Variants in POSTN observed in about 807,000 individuals in gnomAD.
POSTN encodes osteoblast specific factor 2 (fasciclin I-like).
In POSTN, 71 loss-of-function variants were observed where a neutral mutation model predicts 104.5. The ratio of observed to expected loss-of-function variants is 0.68; its 90% CI spans 0.56 to 0.83. POSTN has a LOEUF of 0.83. Ranked by LOEUF, POSTN falls within the 40% of genes least tolerant of loss-of-function variation. The pLI, the probability that POSTN is intolerant of heterozygous loss-of-function variation, is 0.00. For synonymous variants in POSTN, 355 were observed against 340.7 expected, an observed-to-expected ratio of 1.04 and a Z score of -0.46; for missense variants, 949 against 1,006.8, an observed-to-expected ratio of 0.94 and a Z score of 0.78.
chr13:37,580,095 G>C (rs1950534939), intron 11 of POSTN, 104 bp from the exon 12 acceptor site: 1 of 1,064,398 alleles, frequency 9.4e-7, no homozygotes, highest in Middle Eastern at 2.1e-4. Flanking sequence ...GAAAGCATGA[G>C]AGAACTGCTC....
chr13:37,597,890 T>C (rs1318708935), intron 1 of POSTN, among the ~76,000 whole-genome samples: 1 of 152,170 alleles, frequency 6.6e-6, no homozygotes, highest in Admixed American at 6.5e-5. Context: ...CCTTCCCCTC[T>C]TAAAGGGACA....
rs750422217 is a variant in POSTN, at chr13:37,590,469, C to T, written c.344G>A (p.Arg115His). The T allele has an allele frequency of 1.2e-6, 2 of 1,613,242 alleles. No individual in the cohort carries two copies. The highest frequency in any genetic ancestry group is 1.7e-6 in the Non-Finnish European group (2 of 1,179,480). Residue 115 changes from arginine (R) to histidine (H), a missense_variant, in exon 4 of 23, where the codon CGC becomes CAC. Transcript: ENST00000379747. ...LGIVGATTTQ[R>H]YSDASKLREE... is the part of the protein sequence containing the mutation. ...CCTCAGTTTTGAGGCGTCAGAATAG[C>T]GCTGCGTTGTGGTGGCTCCCACGAT...
chr13:37,574,800 T>G (rs1950359935), intron 16 of POSTN, 148 bp from the exon 17 acceptor site: 1 of 1,108,988 alleles, frequency 9.0e-7, no homozygotes, highest in South Asian at 2.0e-5. Context: ...ACAGGAAATA[T>G]TTATGGTACA....
At position 37,586,094 on chromosome 13, in the gene POSTN, C is replaced by T. The variant is rs1162010217; in HGVS notation, c.895+45G>A. The T allele has an allele frequency of 3.3e-6, 5 of 1,529,788 alleles. No individual in the cohort carries two copies. The Admixed American group carries it at 8.1e-5, about 25-fold the overall frequency. The allele number at this position is 1,529,788 out of a possible 1,614,324, so 94.8% of individuals were successfully genotyped here. A position where few individuals can be genotyped will look rare whatever the true frequency, so the allele number is the denominator to read the frequency against. On this transcript the variant is annotated intron_variant, in intron 7 of 22. Coordinates refer to ENST00000379747, the MANE Select transcript of POSTN (RefSeq NM_006475.3). The stretch of plus-strand genomic sequence containing the variant: ...GGACTAGCCTCTTTTTTATTCCCTT[C>T]TCAGAATGCTGGGAGACTCCTTAGA...
chr13:37,596,448 C>T (rs1453184658), intron 2 of POSTN, among the ~76,000 whole-genome samples: 1 of 152,060 alleles, frequency 6.6e-6, no homozygotes, highest in Non-Finnish European at 1.5e-5. Context: ...CTTTTTTCCA[C>T]CAATATTTAT....
intron 18 of POSTN, 141 bp downstream of exon 18, chr13:37,571,228 C>T (rs565999058): frequency 8.5e-6 from 5 of 591,424 alleles, no homozygotes; most frequent in African/African-American, 1.9e-5. Flanking sequence ...AATAAGAACT[C>T]ATAGCTGAGG....
rs773733418 is a variant in POSTN, at chr13:37,590,420, G to A, written c.393C>T (p.Ser131=). ...KLREEIEGKG[S]FTYFAPSNEA... The stretch of plus-strand genomic sequence containing the variant: ...CATTACTCGGTGCAAAGTAAGTGAA[G>A]GATCCCTTTCCCTCGATCTCCTCCC... Residue 131 remains serine, a synonymous_variant, in exon 4 of 23, where the codon TCC becomes TCT. Transcript: ENST00000379747. 6.2e-7 allele frequency: 1 copy of A among 1,609,366 alleles called. No individual in the cohort carries two copies. The highest frequency in any genetic ancestry group is 1.1e-5 in the South Asian group (1 of 90,192).
chr13:37,579,892 T>G lies in POSTN; in HGVS notation c.1629A>C (p.Gly543=). ...GAATTTCTTTTTCTTCACTAGTCAT[T>G]CCCTTAAAAGCATCATTGGTTGGCA... The part of the protein sequence containing the change: ...LFVPTNDAFK[G]MTSEEKEILI... The change falls in exon 12 of 23, where the codon GGA becomes GGC. Residue 543 remains glycine (G), a synonymous_variant. Coordinates refer to ENST00000379747, the MANE Select transcript of POSTN (RefSeq NM_006475.3). The G allele has an allele frequency of 6.2e-7, 1 of 1,613,154 alleles. No individual in the cohort carries two copies.
At chr13:37,569,204 C>T (rs1387504443) in intron 21 of POSTN, 96 bp downstream of exon 21, 6 of 796,682 alleles carry the variant, frequency 7.5e-6, no homozygotes, top group African/African-American at 7.2e-5. Flanking sequence ...TTTTTTTAAC[C>T]CAATTAAAAG....
Position 37,572,487 on chromosome 13 carries a change from AG to A in POSTN, c.2090-1030del, listed in dbSNP as rs1950289640. ...TTAAGGTGCGGTAACTTCAAAAGAA[AG>A]GACGCCTAAGGAATTTAAGAACCAA... On this transcript the variant is annotated intron_variant, in intron 17 of 22. Transcript: ENST00000379747. Among the ~76,000 whole-genome samples, 3 of 151,792 alleles carry A rather than the reference AG, an allele frequency of 2.0e-5. No individual in the cohort carries two copies. In the South Asian group the frequency reaches 6.2e-4, roughly 31 times the overall value.
At chr13:37,569,449 G>A (rs9603226) in intron 20 of POSTN, 66 bp from the exon 21 acceptor site, 148,006 of 1,222,192 alleles carry the variant, frequency 0.12, 10,436 homozygotes, top group East Asian at 0.34. Flanking sequence ...CAGACTTTAT[G>A]TCATAAATAA....
chr13:37,598,480 T>G, intron 1 of POSTN, 128 bp downstream of exon 1: 1 of 795,676 alleles, frequency 1.3e-6, no homozygotes, highest in Non-Finnish European at 1.9e-6. Flanking sequence ...TTTCCTTTTT[T>G]TCCTATTACT....
intron 19 of POSTN, among the ~76,000 whole-genome samples, chr13:37,570,261 C>T (rs1593314291): frequency 1.3e-5 from 2 of 151,674 alleles, no homozygotes; most frequent in Non-Finnish European, 1.5e-5. Context: ...GAGGAAATGG[C>T]TTTTCTTCTA....
At chr13:37,564,181 C>CATATATATATAT (rs71093693) in intron 22 of POSTN, among the ~76,000 whole-genome samples, 5 of 49,850 alleles carry the variant, frequency 1.0e-4, no homozygotes, top group Non-Finnish European at 2.2e-4. Context: ...CAAAACATTA[C>CATATATATATAT]ATATATATAT....
chr13:37,594,284 T>C (rs1951021590), intron 2 of POSTN, among the ~76,000 whole-genome samples: 2 of 152,112 alleles, frequency 1.3e-5, no homozygotes, highest in Non-Finnish European at 2.9e-5. Flanking sequence ...GAAAAGGAAA[T>C]TTAACAAAAA....
Position 37,579,288 on chromosome 13 carries a change from C to T in POSTN, c.1732G>A (p.Glu578Lys), listed in dbSNP as rs201283843. Reference sequence around the variant, plus strand: ...TTTAAAATGTTAGTAACACCAGGTTCAAATCCTTTTCCAATGAAAACTCCT... The same window carrying T: ...TTTAAAATGTTAGTAACACCAGGTTTAAATCCTTTTCCAATGAAAACTCCT... ...TPGVFIGKGF[E>K]PGVTNILKTT... The change falls in exon 13 of 23, where the codon GAA (glutamate) becomes AAA (lysine). Residue 578 changes from glutamate (E) to lysine (K), a missense_variant. Coordinates refer to ENST00000379747, the MANE Select transcript of POSTN (RefSeq NM_006475.3). 7.4e-5 allele frequency: 119 copies of T among 1,606,974 alleles called. No homozygotes were observed. The highest frequency in any genetic ancestry group is 9.5e-5 in the Non-Finnish European group (111 of 1,173,780).
chr13:37,584,674 G>A, intron 8 of POSTN, 42 bp downstream of exon 8: 1 of 1,489,394 alleles, frequency 6.7e-7, no homozygotes, highest in Non-Finnish European at 9.3e-7. Flanking sequence ...GTAAATTACA[G>A]TAAGTAAAAA....
At chr13:37,592,583 C>T (rs1238097558) in intron 2 of POSTN, among the ~76,000 whole-genome samples, 3 of 152,184 alleles carry the variant, frequency 2.0e-5, no homozygotes, top group East Asian at 3.9e-4. Context: ...CAGGCATGAG[C>T]CACTGCGCCC....
chr13:37,579,763 G>A, intron 12 of POSTN, 98 bp downstream of exon 12: 1 of 1,332,900 alleles, frequency 7.5e-7, no homozygotes, highest in Non-Finnish European at 1.0e-6. Flanking sequence ...ATACCAGAGA[G>A]GGGGCATTTT....
Sources: gnomAD v4.1 joint callset for allele counts (sites outside exome capture counted in the v4.1 genomes callset) on GRCh38, gnomAD v4.1.1 for gene constraint, MANE v1.5 for transcripts, NCBI Gene and HGNC (gene_info 2026-07-23, HGNC 2026-07-21) for gene names.